The following BFSP1 variants were observed in gnomAD, a reference collection of about 807,000 sequenced individuals.
BFSP1 encodes filensin.
BFSP1 carries 38 observed loss-of-function variants against 43.9 expected under a neutral mutation model. The observed-to-expected ratio is 0.87, with a 90% CI of 0.67 to 1.14. BFSP1 has a LOEUF of 1.14. Among genes scored for constraint, BFSP1 ranks in the 50% most tolerant of loss-of-function variants. The pLI, the probability that BFSP1 is intolerant of heterozygous loss-of-function variation, is 0.00. For missense variants in BFSP1, 850 were observed against 875.1 expected, an observed-to-expected ratio of 0.97 and a Z score of 0.36; for synonymous variants, 352 against 354.8, an observed-to-expected ratio of 0.99 and a Z score of 0.09.
intron 6 of BFSP1, among the ~76,000 whole-genome samples, chr20:17,498,400 C>T (rs1347611785): frequency 6.6e-6 from 1 of 152,192 alleles, no homozygotes; most frequent in Admixed American, 6.5e-5. Flanking sequence ...AGGAGCATCA[C>T]CAACACCTCT....
intron 1 of BFSP1, among the ~76,000 whole-genome samples, chr20:17,526,655 C>T (rs2034431873): frequency 6.6e-6 from 1 of 152,176 alleles, no homozygotes; most frequent in African/African-American, 2.4e-5. Flanking sequence ...ATTCAAAACC[C>T]TCTTTCAATT....
intron 1 of BFSP1, among the ~76,000 whole-genome samples, chr20:17,567,924 G>T (rs1373434082): frequency 1.3e-5 from 2 of 151,600 alleles, no homozygotes; most frequent in South Asian, 2.1e-4. Flanking sequence ...AACTAGGGGG[G>T]TGAAGGAGTT....
At position 17,496,961 on chromosome 20, in the gene BFSP1, A is replaced by G; in HGVS notation, c.1019T>C (p.Leu340Pro). 1 of 1,544,418 alleles carries G rather than the reference A, an allele frequency of 6.5e-7. No homozygotes were observed. The highest frequency in any genetic ancestry group is 2.0e-5 in the Admixed American group (1 of 48,814). ...ACCTTTCCCACCGGATCCAGTGCTG[A>G]GAGAGACTCCATGGCTCTGGGTGAA... ...PLFTQSHGVS[L>P]STGSGGKDLT... is the part of the protein sequence containing the mutation. Residue 340 changes from leucine to proline, a missense_variant, in exon 7 of 8, where the codon CTC becomes CCC. Transcript: ENST00000377873.
At chr20:17,529,090 T>TGTGTGA (rs577672397) in intron 1 of BFSP1, among the ~76,000 whole-genome samples, 8 of 151,496 alleles carry the variant, frequency 5.3e-5, no homozygotes, top group Non-Finnish European at 7.4e-5. Flanking sequence ...TGTGTGTGTG[T>TGTGTGA]GAGACAGAGT....
Position 17,531,272 on chromosome 20 carries a change from C to G in BFSP1, c.58G>C (p.Glu20Gln), listed in dbSNP as rs773615057. Residue 20 changes from glutamate to glutamine, a missense_variant, in exon 1 of 8, where the codon GAG becomes CAG. Coordinates refer to ENST00000377873, the MANE Select transcript of BFSP1 (RefSeq NM_001195.5). ...TCGGGCTCGGCGGCGCGCGAAGCCT[C>G]GTCGGCGTGCTCGTACTGCTCCTTG... ...TRKEQYEHAD[E>Q]ASRAAEPERP... is the part of the protein sequence containing the mutation. 9 of 1,457,648 alleles carry G rather than the reference C, an allele frequency of 6.2e-6. No homozygotes were observed. The African/African-American group carries it at 8.8e-5, about 14-fold the overall frequency. The allele number at this position is 1,457,648 out of a possible 1,614,324, so 90.3% of individuals were successfully genotyped here. A position where few individuals can be genotyped will look rare whatever the true frequency, so the allele number is the denominator to read the frequency against.
chr20:17,523,042 C>T (rs1477005636), intron 2 of BFSP1, among the ~76,000 whole-genome samples: 2 of 152,190 alleles, frequency 1.3e-5, no homozygotes, highest in African/African-American at 4.8e-5. Flanking sequence ...TCCCCAGAAC[C>T]TTCATAATAT....
At chr20:17,518,286 G>A (rs917104971) in intron 2 of BFSP1, among the ~76,000 whole-genome samples, 8 of 152,016 alleles carry the variant, frequency 5.3e-5, no homozygotes, top group Non-Finnish European at 8.8e-5. Context: ...ATCTAACTAT[G>A]GGACTTAGCT....
intron 6 of BFSP1, among the ~76,000 whole-genome samples, chr20:17,498,291 G>T (rs760170814): frequency 2.0e-5 from 3 of 152,154 alleles, no homozygotes; most frequent in Non-Finnish European, 4.4e-5. Flanking sequence ...AAGTGAGTAG[G>T]GATCGACTCA....
intron 2 of BFSP1, among the ~76,000 whole-genome samples, chr20:17,519,072 TC>T (rs539867197): frequency 0.026 from 3,965 of 152,268 alleles, 156 homozygotes; most frequent in African/African-American, 0.078. Context: ...CTATCTTCCC[TC>T]TGCCCCTCTT....
In BFSP1 at chr20:17,566,605, T is replaced by G. The variant is rs2035122421; in HGVS notation, n.50+2566A>C. Among the ~76,000 whole-genome samples, 5 of 152,168 alleles carry G rather than the reference T, an allele frequency of 3.3e-5. No homozygotes were observed. The South Asian group carries it at 1.0e-3, about 32-fold the overall frequency. ...GAGAGCCCACTTCCTGGTTCATAGATGAACCTTTTTGCTGTGTTCTCACAA... is the reference window on the plus strand; with the variant it reads ...GAGAGCCCACTTCCTGGTTCATAGAGGAACCTTTTTGCTGTGTTCTCACAA... On this transcript the variant is annotated intron_variant and non_coding_transcript_variant, in intron 1 of 6. Transcript: ENST00000473415.
upstream of BFSP1, among the ~76,000 whole-genome samples, chr20:17,531,633 G>A (rs2034544079): frequency 6.6e-6 from 1 of 152,196 alleles, no homozygotes; most frequent in Non-Finnish European, 1.5e-5. Flanking sequence ...AGGGTCAGGG[G>A]ACACGGGAGC....
At chr20:17,519,585 G>A (rs142158642) in intron 2 of BFSP1, among the ~76,000 whole-genome samples, 36 of 152,368 alleles carry the variant, frequency 2.4e-4, no homozygotes, top group African/African-American at 7.9e-4. Context: ...TGAGTGCTAA[G>A]CCCTGACTCC....
upstream of BFSP1, among the ~76,000 whole-genome samples, chr20:17,532,778 TCATA>T (rs1435050269): frequency 6.6e-6 from 1 of 152,190 alleles, no homozygotes; most frequent in Non-Finnish European, 1.5e-5. Context: ...AAATATTTTG[TCATA>T]TCTCCAACTT....
chr20:17,556,424 G>A (rs1308791637), intron 1 of BFSP1, among the ~76,000 whole-genome samples: 2 of 152,114 alleles, frequency 1.3e-5, no homozygotes, highest in African/African-American at 4.8e-5. Context: ...CTTGAACCCA[G>A]GAGTTTGAGG....
intron 2 of BFSP1, among the ~76,000 whole-genome samples, chr20:17,522,924 C>T (rs972119282): frequency 1.3e-5 from 2 of 152,200 alleles, no homozygotes; most frequent in African/African-American, 4.8e-5. Context: ...CTACACTCCT[C>T]GCTGGGGCTC....
At chr20:17,542,170 T>C (rs1420069521) in intron 1 of BFSP1, among the ~76,000 whole-genome samples, 1 of 152,050 alleles carries the variant, frequency 6.6e-6, no homozygotes, top group Non-Finnish European at 1.5e-5. Context: ...TGAGAGCCAA[T>C]TGCTAAATTT....
Position 17,525,040 on chromosome 20 carries a change from A to G in BFSP1, c.378-132T>C. 1 of 777,082 alleles carries G rather than the reference A, an allele frequency of 1.3e-6. No homozygotes were observed. The highest frequency in any genetic ancestry group is 2.2e-6 in the Non-Finnish European group (1 of 449,192). The allele number at this position is 777,082 out of a possible 1,614,324, so 48.1% of individuals were successfully genotyped here. A position where few individuals can be genotyped will look rare whatever the true frequency, so the allele number is the denominator to read the frequency against. On this transcript the variant is annotated intron_variant, in intron 1 of 7. Coordinates refer to ENST00000377873, the MANE Select transcript of BFSP1 (RefSeq NM_001195.5). The surrounding 1 kb of genome is among the most constrained non-coding windows in gnomAD (Gnocchi z 4.2). The stretch of plus-strand genomic sequence containing the variant: ...AAGGAGAGGGTCTTAATTTTAAAGT[A>G]GTAGCTAACGAATGCTGCATTTCCT...
upstream of BFSP1, among the ~76,000 whole-genome samples, chr20:17,534,455 C>T (rs142462301): frequency 1.0e-3 from 157 of 152,308 alleles, no homozygotes; most frequent in African/African-American, 3.6e-3. Flanking sequence ...CACCCACTAT[C>T]TCAGCGTAAA....
chr20:17,503,329 A>T (rs991587178), intron 5 of BFSP1, among the ~76,000 whole-genome samples: 3 of 152,220 alleles, frequency 2.0e-5, no homozygotes, highest in Non-Finnish European at 4.4e-5. Flanking sequence ...AGCACCTATA[A>T]TCTCTCACTT....
Sources: gnomAD v4.1 joint callset for allele counts (sites outside exome capture counted in the v4.1 genomes callset) on GRCh38, gnomAD v4.1.1 for gene constraint, Gnocchi (gnomAD v3.1) non-coding constraint, MANE v1.5 for transcripts, NCBI Gene and HGNC (gene_info 2026-07-23, HGNC 2026-07-21) for gene names.